Variants in RAB10 observed in about 807,000 individuals in gnomAD.
RAB10 encodes the protein RAB10, member RAS oncogene family.
A neutral mutation model predicts 25.7 loss-of-function variants in RAB10; 5 were observed. That is an observed-to-expected ratio of 0.19 (90% CI 0.10 to 0.41). RAB10 has a LOEUF of 0.41. Among genes scored for constraint, RAB10 ranks in the 10% least tolerant of loss-of-function variants. The probability of loss-of-function intolerance (pLI) is 1.00; values close to 1 mark genes in which losing one functional copy is unlikely to be tolerated. For missense variants in RAB10, 103 were observed against 245.8 expected, an observed-to-expected ratio of 0.42 and a Z score of 3.89; for synonymous variants, 89 against 86.4, an observed-to-expected ratio of 1.03 and a Z score of -0.16.
At chr2:26,056,780 C>G (rs1666276032) in intron 1 of RAB10, among the ~76,000 whole-genome samples, 1 of 151,890 alleles carries the variant, frequency 6.6e-6, no homozygotes, top group Non-Finnish European at 1.5e-5. Flanking sequence ...ATGCATGCCA[C>G]CACACCCAGC....
Position 26,084,888 on chromosome 2 carries a change from T to A in RAB10, c.128-13774T>A, listed in dbSNP as rs903763916. ...ACTACCTCAAACCTAACTTTTCTTA[T>A]AAGCCTGATTATTTTTAATTTGTGA... is the stretch of plus-strand genomic sequence containing the variant. On this transcript the variant is annotated intron_variant, in intron 1 of 5. Coordinates refer to ENST00000264710, the MANE Select transcript of RAB10 (RefSeq NM_016131.5). Among the ~76,000 whole-genome samples, 3 of 152,344 alleles carry A rather than the reference T, an allele frequency of 2.0e-5. No individual in the cohort carries two copies. In the South Asian group the frequency reaches 6.2e-4, roughly 32 times the overall value.
chr2:26,083,992 C>G (rs1278574373), intron 1 of RAB10, among the ~76,000 whole-genome samples: 2 of 152,180 alleles, frequency 1.3e-5, no homozygotes, highest in African/African-American at 4.8e-5. Context: ...AAAGACAGCC[C>G]AAATAAAGAG....
chr2:26,037,012 A>G (rs1219955305), intron 1 of RAB10, among the ~76,000 whole-genome samples: 2 of 151,870 alleles, frequency 1.3e-5, no homozygotes, highest in Non-Finnish European at 2.9e-5. Context: ...CTTGACCTCA[A>G]GCAATCCACC....
intron 1 of RAB10, among the ~76,000 whole-genome samples, chr2:26,038,550 T>G (rs1265358526): frequency 6.6e-6 from 1 of 152,142 alleles, no homozygotes; most frequent in East Asian, 1.9e-4. Context: ...TATAAGATGT[T>G]GAATAGTGTA....
chr2:26,111,940 T>A (rs550575849), intron 3 of RAB10, among the ~76,000 whole-genome samples: 1 of 152,330 alleles, frequency 6.6e-6, no homozygotes, highest in South Asian at 2.1e-4. Context: ...GGCTATAGAT[T>A]TTGGGGATGC....
chr2:26,034,717 A>T lies in RAB10; in HGVS notation c.109A>T (p.Thr37Ser). Residue 37 changes from threonine (T) to serine (S), a missense_variant, in exon 1 of 6, where the codon ACC (threonine) becomes TCC (serine). Coordinates refer to ENST00000264710, the MANE Select transcript of RAB10 (RefSeq NM_016131.5). ...FRFSDDAFNT[T>S]FISTIGIDFK... ...TTTTTCGGATGATGCCTTCAATACT[A>T]CCTTTATTTCCACCATAGGTAAGAC... 1.2e-6 allele frequency: 2 copies of T among 1,613,708 alleles called. No homozygotes were observed. The highest frequency in any genetic ancestry group is 1.7e-6 in the Non-Finnish European group (2 of 1,179,926).
chr2:26,050,075 A>T (rs903870655), intron 1 of RAB10, among the ~76,000 whole-genome samples: 1 of 152,190 alleles, frequency 6.6e-6, no homozygotes, highest in Admixed American at 6.5e-5. Flanking sequence ...TCTCTCCTGT[A>T]TGCGATACCC....
At position 26,099,537 on chromosome 2, in the gene RAB10, T is replaced by G. The variant is rs1284469799; in HGVS notation, c.188+815T>G. Among the ~76,000 whole-genome samples the G allele has an allele frequency of 7.5e-4, 7 of 9,282 alleles. No individual in the cohort carries two copies. In the East Asian group the frequency reaches 0.023, roughly 30 times the overall value. The allele number at this position is 9,282 out of a possible 152,430, so 6.1% of individuals were successfully genotyped here. A position where few individuals can be genotyped will look rare whatever the true frequency, so the allele number is the denominator to read the frequency against. On this transcript the variant is annotated intron_variant, in intron 2 of 5. Transcript: ENST00000264710. ...TCTGTTTTTTGTTTTTTTGGGTTTT[T>G]TTTTTTTTTTTTTTTTTTTTTGAGG...
chr2:26,112,165 G>A (rs1667587196), intron 3 of RAB10, among the ~76,000 whole-genome samples: 1 of 152,134 alleles, frequency 6.6e-6, no homozygotes, highest in South Asian at 2.1e-4. Context: ...TCACCGAATT[G>A]GAATATTCCT....
chr2:26,114,120 A>T (rs1667634520), intron 3 of RAB10, among the ~76,000 whole-genome samples: 1 of 152,216 alleles, frequency 6.6e-6, no homozygotes, highest in Non-Finnish European at 1.5e-5. Flanking sequence ...TTATTTGTGA[A>T]TTGGAAGACA....
intron 1 of RAB10, 27 bp from the exon 2 acceptor site, chr2:26,098,635 C>A: frequency 1.3e-6 from 2 of 1,514,804 alleles, no homozygotes; most frequent in South Asian, 2.3e-5. Flanking sequence ...GCCACAGTTA[C>A]AGTTTACCTT....
Position 26,135,112 on chromosome 2 carries a change from A to G in RAB10, c.*91A>G, listed in dbSNP as rs1668082411. 6.9e-6 allele frequency: 7 copies of G among 1,021,252 alleles called. No homozygotes were observed. The highest frequency in any genetic ancestry group is 2.1e-4 in the Middle Eastern group (1 of 4,676). The allele number at this position is 1,021,252 out of a possible 1,614,324, so 63.3% of individuals were successfully genotyped here. A position where few individuals can be genotyped will look rare whatever the true frequency, so the allele number is the denominator to read the frequency against. ...ACTCTGTCCATTTTTAACTCTAAAC[A>G]GATATTTTTGTTTCTCATCTTAACT... On this transcript the variant is annotated 3_prime_UTR_variant, in exon 6 of 6. Transcript: ENST00000264710.
intron 1 of RAB10, among the ~76,000 whole-genome samples, chr2:26,044,782 G>T (rs770263778): frequency 6.6e-6 from 1 of 151,110 alleles, no homozygotes; most frequent in Non-Finnish European, 1.5e-5. Flanking sequence ...CTGACCTCAG[G>T]TGATCCACCT....
chr2:26,109,660 C>T, intron 2 of RAB10, 108 bp from the exon 3 acceptor site: 1 of 1,157,748 alleles, frequency 8.6e-7, no homozygotes, highest in Non-Finnish European at 1.1e-6. Flanking sequence ...TTTCCTTCAA[C>T]TAAAAAGTTT....
At chr2:26,053,483 A>G (rs1306414753) in intron 1 of RAB10, among the ~76,000 whole-genome samples, 4 of 152,228 alleles carry the variant, frequency 2.6e-5, no homozygotes, top group African/African-American at 9.6e-5. Context: ...AATACTGAAC[A>G]GCAAGTGATT....
At chr2:26,115,174 T>C (rs137909192) in intron 3 of RAB10, among the ~76,000 whole-genome samples, 300 of 152,294 alleles carry the variant, frequency 2.0e-3, no homozygotes, top group African/African-American at 6.6e-3. Context: ...TTGGAAGATA[T>C]TTTGGCAGTT....
intron 1 of RAB10, among the ~76,000 whole-genome samples, chr2:26,075,332 C>G (rs1026587896): frequency 1.3e-5 from 2 of 152,094 alleles, no homozygotes; most frequent in African/African-American, 4.8e-5. Context: ...ACAGGGAGAA[C>G]AGTCCTTATC....
chr2:26,125,237 C>T (rs1263678112), intron 3 of RAB10, among the ~76,000 whole-genome samples: 3 of 152,036 alleles, frequency 2.0e-5, no homozygotes, highest in Non-Finnish European at 2.9e-5. Flanking sequence ...ACAAAGGTGT[C>T]GGTTTCTCCA....
At chr2:26,033,323 C>G (rs1049796126), upstream of RAB10, among the ~76,000 whole-genome samples, 1 of 152,194 alleles carries the variant, frequency 6.6e-6, no homozygotes, top group Non-Finnish European at 1.5e-5. Flanking sequence ...GTTCTCTGAG[C>G]ACCGCACAGA....
Sources: allele counts gnomAD v4.1 joint callset (sites outside exome capture counted in the v4.1 genomes callset), GRCh38; gene constraint gnomAD v4.1.1; transcripts MANE v1.5; gene names NCBI Gene and HGNC (gene_info 2026-07-23, HGNC 2026-07-21).